The following CACNA1A variants were observed in gnomAD, a reference collection of about 807,000 sequenced individuals.
The protein encoded by CACNA1A is voltage-dependent P/Q-type calcium channel subunit alpha-1A.
In CACNA1A, 57 loss-of-function variants were observed where a neutral mutation model predicts 262.4. The ratio of observed to expected loss-of-function variants is 0.22; its 90% CI spans 0.18 to 0.27. The LOEUF is 0.27. Among genes scored for constraint, CACNA1A ranks in the 10% least tolerant of loss-of-function variants. The pLI is 1.00. For missense variants in CACNA1A, 2,526 were observed against 3,562.8 expected (o/e 0.71, Z 7.41); for synonymous variants, 1,431 against 1,419.3 (o/e 1.01, Z -0.18).
In CACNA1A at chr19:13,212,782, G is replaced by T; in HGVS notation, c.5941-42C>A. The T allele has an allele frequency of 9.5e-7, 1 of 1,055,162 alleles. No homozygotes were observed. Among genetic ancestry groups the T allele is most frequent in the Non-Finnish European group, 1.4e-6 (1 of 739,552 alleles). The allele number at this position is 1,055,162 out of a possible 1,614,324, so 65.4% of individuals were successfully genotyped here. On this transcript the variant is annotated intron_variant, in intron 40 of 46. Transcript: ENST00000360228. This position sits in a 1 kb window ranked among gnomAD's most constrained non-coding sequence, Gnocchi z 5.6. ...AGAGCAGTGTGTGGACAAGGGTGGG[G>T]TGGTGGGACGGTGGTACCCAGAAGG... is the stretch of plus-strand genomic sequence containing the variant.
chr19:13,341,310 CTTGATGGT>C (rs2058672129), intron 6 of CACNA1A, among the ~76,000 whole-genome samples: 2 of 17,504 alleles, frequency 1.1e-4, no homozygotes, highest in African/African-American at 1.5e-4. Flanking sequence ...CAGCTGACAT[CTTGATGGT>C]CTGTGGCCCA....
chr19:13,242,958 C>T (rs138180624), intron 31 of CACNA1A, among the ~76,000 whole-genome samples: 2 of 152,326 alleles, frequency 1.3e-5, no homozygotes, highest in Middle Eastern at 3.4e-3. Context: ...TCCTGCCAGC[C>T]AGGAGAACAG....
intron 1 of CACNA1A, among the ~76,000 whole-genome samples, chr19:13,484,701 C>T (rs971250064): frequency 6.6e-6 from 1 of 152,210 alleles, no homozygotes; most frequent in Non-Finnish European, 1.5e-5. Flanking sequence ...AGTAGCCTGA[C>T]AGTGCCTTTA....
Position 13,389,481 on chromosome 19 carries a change from A to G in CACNA1A, c.540-17702T>C, listed in dbSNP as rs1175393826. ...CCTCACTGGACTGAGTACTACCGAT[A>G]TGTCTCCAGAGTGGCCTCCCTGGGC... On this transcript the variant is annotated intron_variant, in intron 3 of 46. Coordinates refer to ENST00000360228, the MANE Select transcript of CACNA1A (RefSeq NM_001127222.2). 2.6e-5 allele frequency among the ~76,000 whole-genome samples: 4 copies of G among 152,200 alleles called. No individual in the cohort carries two copies. The East Asian group carries it at 7.7e-4, about 29-fold the overall frequency.
chr19:13,501,041 T>C (rs1009369589), intron 1 of CACNA1A, among the ~76,000 whole-genome samples: 1 of 152,024 alleles, frequency 6.6e-6, no homozygotes, highest in Admixed American at 6.6e-5. Context: ...GGGTGCTGAC[T>C]CAAGAGGGGC....
chr19:13,351,495 C>A (rs1393058786), intron 6 of CACNA1A, among the ~76,000 whole-genome samples: 1 of 151,804 alleles, frequency 6.6e-6, no homozygotes, highest in Non-Finnish European at 1.5e-5. Flanking sequence ...ACATGGACCA[C>A]CACACCCGGC....
At chr19:13,324,458 A>T (rs1484904292) in intron 10 of CACNA1A, among the ~76,000 whole-genome samples, 3 of 152,208 alleles carry the variant, frequency 2.0e-5, no homozygotes, top group Non-Finnish European at 2.9e-5. Flanking sequence ...CCACACACAA[A>T]AAACGGTGAG....
At chr19:13,303,164 T>C (rs1463714251) in intron 17 of CACNA1A, among the ~76,000 whole-genome samples, 1 of 152,110 alleles carries the variant, frequency 6.6e-6, no homozygotes, top group Non-Finnish European at 1.5e-5. Context: ...GCAGCCCTTT[T>C]TCCTTGGCCC....
intron 3 of CACNA1A, among the ~76,000 whole-genome samples, chr19:13,420,953 C>T (rs2060306921): frequency 6.6e-6 from 1 of 152,190 alleles, no homozygotes; most frequent in Non-Finnish European, 1.5e-5. Context: ...GAGTTCCCAA[C>T]AAAACTACAT....
At chr19:13,405,748 T>G (rs2144714849) in intron 3 of CACNA1A, among the ~76,000 whole-genome samples, 1 of 152,308 alleles carries the variant, frequency 6.6e-6, no homozygotes, top group South Asian at 2.1e-4. Flanking sequence ...CAAGCCCAGG[T>G]ATTCTGATAA....
chr19:13,437,960 G>A (rs1269564869), intron 3 of CACNA1A, among the ~76,000 whole-genome samples: 1 of 152,116 alleles, frequency 6.6e-6, no homozygotes, highest in Non-Finnish European at 1.5e-5. Flanking sequence ...TCCCTTGCAC[G>A]CCAACCACCT....
chr19:13,208,781 C>A lies in CACNA1A; in HGVS notation c.6755G>T (p.Gly2252Val). The change falls in exon 46 of 47, where the codon GGC becomes GTC. Residue 2252 changes from glycine (G) to valine (V), a missense_variant. Around this residue, in one of 17 missense-constraint regions of CACNA1A, gnomAD observed 929 missense variants for 868.1 expected, o/e 1.07. Coordinates refer to ENST00000360228, the MANE Select transcript of CACNA1A (RefSeq NM_001127222.2). ...CTGCCGGTGCGCCATGTGCTCTCGG[C>A]CCTCGCTGGGCGAGCGGGACCAGCG... ...DQRWSRSPSE[G>V]REHMAHRQGS... 1 of 1,569,304 alleles carries A rather than the reference C, an allele frequency of 6.4e-7. No individual in the cohort carries two copies. Among genetic ancestry groups the A allele is most frequent in the East Asian group, 2.3e-5 (1 of 43,356 alleles).
At chr19:13,319,125 G>A (rs8105377) in intron 10 of CACNA1A, among the ~76,000 whole-genome samples, 44,381 of 151,826 alleles carry the variant, frequency 0.29, 7,051 homozygotes, top group East Asian at 0.45. Flanking sequence ...GAACTCCTGG[G>A]TTCAAGCGAT....
rs780528779 is a variant in CACNA1A, at chr19:13,317,164, C to G, written c.1503G>C (p.Leu501=). The change falls in exon 11 of 47, where the codon CTG becomes CTC. Residue 501 remains leucine (L), a synonymous_variant. Coordinates refer to ENST00000360228, the MANE Select transcript of CACNA1A (RefSeq NM_001127222.2). ...TVLSLVALNT[L]CVAIVHYNQP... ...GGTTGTAGTGAACAATAGCAACACACAGCGTGTTGAGAGCTACCAAACTGA... is the reference window on the plus strand; with the variant it reads ...GGTTGTAGTGAACAATAGCAACACAGAGCGTGTTGAGAGCTACCAAACTGA... 1 of 1,613,200 alleles carries G rather than the reference C, an allele frequency of 6.2e-7. No homozygotes were observed. The highest frequency in any genetic ancestry group is 8.5e-7 in the Non-Finnish European group (1 of 1,179,322).
rs1600088469 is a variant in CACNA1A, at chr19:13,212,142, G to A, written c.6264C>T (p.Gly2088=). 1.2e-6 allele frequency: 2 copies of A among 1,613,714 alleles called. No homozygotes were observed. Among genetic ancestry groups the A allele is most frequent in the Non-Finnish European group, 1.7e-6 (2 of 1,179,718 alleles). Residue 2088 remains glycine, a synonymous_variant, in exon 43 of 47, where the codon GGC becomes GGT. Transcript: ENST00000360228. The surrounding 1 kb of genome is among the most constrained non-coding windows in gnomAD (Gnocchi z 5.6). The stretch of plus-strand genomic sequence containing the variant: ...GGAGGCGGGGCATGGAGGCAGCCCG[G>A]CCCTGGCCTTCCATGGGGAGGTAGT... ...SEHYLPMEGQ[G]RAASMPRLPA... is the part of the protein sequence containing the mutation.
At chr19:13,278,426 G>A (rs1033433183) in intron 22 of CACNA1A, among the ~76,000 whole-genome samples, 43 of 152,154 alleles carry the variant, frequency 2.8e-4, no homozygotes, top group African/African-American at 1.0e-3. Flanking sequence ...ATTTGATTCC[G>A]TCTTTCTCCT....
At chr19:13,224,917 C>T (rs927453605) in intron 37 of CACNA1A, 145 bp from the exon 38 acceptor site, 8 of 591,714 alleles carry the variant, frequency 1.4e-5, no homozygotes, top group Non-Finnish European at 2.1e-5. Context: ...GGTTACCTGT[C>T]CCAGTACTCA....
intron 3 of CACNA1A, among the ~76,000 whole-genome samples, chr19:13,396,619 G>A (rs1785302566): frequency 6.6e-6 from 1 of 152,182 alleles, no homozygotes; most frequent in African/African-American, 2.4e-5. Context: ...TATTTAAATA[G>A]CCTCGTGTGG....
chr19:13,397,420 A>C (rs2059827673), intron 3 of CACNA1A, among the ~76,000 whole-genome samples: 1 of 152,182 alleles, frequency 6.6e-6, no homozygotes, highest in African/African-American at 2.4e-5. Context: ...AACTGTCCTA[A>C]GGGTGGAAGA....
Sources: allele counts gnomAD v4.1 joint callset (sites outside exome capture counted in the v4.1 genomes callset), GRCh38; gene constraint gnomAD v4.1.1; regional missense constraint gnomAD v4.1.1; non-coding constraint Gnocchi (gnomAD v3.1); transcripts MANE v1.5; gene names NCBI Gene and HGNC (gene_info 2026-07-23, HGNC 2026-07-21).